Variants in PCDHA3 observed in about 807,000 individuals in gnomAD.
PCDHA3 encodes protocadherin alpha 3, also known as protocadherin alpha-3.
A neutral mutation model predicts 62.2 loss-of-function variants in PCDHA3; 41 were observed. The ratio of observed to expected loss-of-function variants is 0.66; its 90% CI spans 0.51 to 0.86. PCDHA3 has a LOEUF of 0.86. Among genes scored for constraint, PCDHA3 ranks in the 40% least tolerant of loss-of-function variants. The pLI, the probability that PCDHA3 is intolerant of heterozygous loss-of-function variation, is 0.00. For synonymous variants in PCDHA3, 640 were observed against 555.4 expected (o/e 1.15, Z -2.14); for missense variants, 1,304 against 1,241.2 (o/e 1.05, Z -0.76).
At chr5:140,900,270 T>C (rs1203586696) in intron 1 of PCDHA3, among the ~76,000 whole-genome samples, 1 of 152,082 alleles carries the variant, frequency 6.6e-6, no homozygotes, top group Non-Finnish European at 1.5e-5. Flanking sequence ...ATTGTGTATA[T>C]GTACCACACT....
chr5:140,869,864 A>C (rs1554163548), intron 1 of PCDHA3: 1 of 1,610,504 alleles, frequency 6.2e-7, no homozygotes, highest in African/African-American at 1.3e-5. Context: ...CTTATGGAAA[A>C]TGCTGCTAAA....
Position 140,882,583 on chromosome 5 carries a change from C to T in PCDHA3, c.2394+78992C>T, listed in dbSNP as rs143956549. ...GGCGGAGCGCGGAGTGCAGCATCCA[C>T]CTGGAGGTGATCGTGGACAGGCCTC... On this transcript the variant is annotated intron_variant, in intron 1 of 3. Coordinates refer to ENST00000522353, the MANE Select transcript of PCDHA3 (RefSeq NM_018906.3). 2.3e-3 allele frequency: 3,635 copies of T among 1,614,232 alleles called. 15 individuals are homozygous for T. Among genetic ancestry groups the T allele is most frequent in the Middle Eastern group, 9.6e-3 (58 of 6,060 alleles).
intron 1 of PCDHA3, among the ~76,000 whole-genome samples, chr5:140,946,108 T>C (rs782062288): frequency 2.0e-5 from 3 of 151,938 alleles, no homozygotes; most frequent in Non-Finnish European, 4.4e-5. Context: ...ATACCAAATA[T>C]ATAAGGAACT....
intron 3 of PCDHA3, among the ~76,000 whole-genome samples, chr5:141,007,284 C>T (rs2098312696): frequency 6.6e-6 from 1 of 151,430 alleles, no homozygotes; most frequent in Admixed American, 6.6e-5. Context: ...GTGCAGTGGG[C>T]TCATGCCTGT....
rs1203554709 is a variant in PCDHA3 at position 140,835,098 on chromosome 5, GC to G, written c.2394+31511del. On this transcript the variant is annotated intron_variant, in intron 1 of 3. Coordinates refer to ENST00000522353, the MANE Select transcript of PCDHA3 (RefSeq NM_018906.3). Reference sequence around the variant, plus strand: ...CACGGTACTGGACAACAATGACAATGCCCCAGTGTTCGACAGAACCCTGTAT... The same window carrying G: ...CACGGTACTGGACAACAATGACAATGCCCAGTGTTCGACAGAACCCTGTAT... 6.4e-6 allele frequency: 8 copies of G among 1,244,734 alleles called. No individual in the cohort carries two copies. In the East Asian group the frequency reaches 1.8e-4, roughly 28 times the overall value. 77.1% of individuals were successfully genotyped at this position (1,244,734 alleles called of 1,614,324 possible).
At chr5:140,856,119 A>G (rs782020835) in intron 1 of PCDHA3, 1 of 1,597,678 alleles carries the variant, frequency 6.3e-7, no homozygotes, top group East Asian at 2.2e-5. Flanking sequence ...GCAGCCTGGG[A>G]GGTGGGGAGC....
chr5:140,879,491 T>G (rs2153367311), intron 1 of PCDHA3, among the ~76,000 whole-genome samples: 1 of 152,338 alleles, frequency 6.6e-6, no homozygotes. Flanking sequence ...AATATGGGTC[T>G]GGATCTCAGA....
chr5:140,937,413 TTAGA>T (rs781915768), intron 1 of PCDHA3, among the ~76,000 whole-genome samples: 3 of 152,228 alleles, frequency 2.0e-5, no homozygotes, highest in Non-Finnish European at 2.9e-5. Flanking sequence ...ACAACTTTTA[TTAGA>T]TAGCTGATAT....
At chr5:140,809,058 TG>T in intron 1 of PCDHA3, 7 of 1,613,856 alleles carry the variant, frequency 4.3e-6, no homozygotes, top group Non-Finnish European at 5.9e-6. Context: ...CCGTTCCGCG[TG>T]GGGCTGTACA....
At chr5:140,875,596 G>T (rs1554167787) in intron 1 of PCDHA3, 2 of 1,613,938 alleles carry the variant, frequency 1.2e-6, no homozygotes, top group East Asian at 2.2e-5. Context: ...GGCCAAACAC[G>T]GCACCTTCGT....
chr5:140,802,882 C>T lies in PCDHA3; in HGVS notation c.1685C>T (p.Ala562Val). ...TTCGTGCTGGACGAGAACGACAACG[C>T]GCCGGCACTGCTGATGCCTCGGGTG... ...QVFVLDENDN[A>V]PALLMPRVGG... is the part of the protein sequence containing the mutation. Residue 562 changes from alanine to valine, a missense_variant, in exon 1 of 4, where the codon GCG (alanine) becomes GTG (valine). Transcript: ENST00000522353. The T allele has an allele frequency of 6.2e-7, 1 of 1,613,756 alleles. No homozygotes were observed.
chr5:140,828,429 C>A (rs2150155314), intron 1 of PCDHA3: 7 of 1,614,216 alleles, frequency 4.3e-6, no homozygotes, highest in East Asian at 2.2e-5. Context: ...GTGGACAGGC[C>A]GCTGCAGGTT....
chr5:140,881,180 T>G (rs1054668567), intron 1 of PCDHA3: 1 of 167,342 alleles, frequency 6.0e-6, no homozygotes, highest in East Asian at 1.9e-4. Flanking sequence ...TTTTCCTTGC[T>G]AAAGATATGT....
At chr5:140,830,610 T>A in intron 1 of PCDHA3, 1 of 618,590 alleles carries the variant, frequency 1.6e-6, no homozygotes, top group Non-Finnish European at 2.5e-6. Context: ...ATATTTTCAT[T>A]TTATTGTGTT....
chr5:140,932,032 A>G (rs2087965086), intron 1 of PCDHA3, among the ~76,000 whole-genome samples: 1 of 151,934 alleles, frequency 6.6e-6, no homozygotes, highest in African/African-American at 2.4e-5. Context: ...TTTACAGTAT[A>G]TATTAACATA....
chr5:140,901,493 G>A (rs1407022584), intron 1 of PCDHA3, among the ~76,000 whole-genome samples: 7 of 152,016 alleles, frequency 4.6e-5, no homozygotes, highest in Admixed American at 3.9e-4. Flanking sequence ...CACCTTCATC[G>A]AAAATGAGTT....
chr5:140,857,611 G>T, intron 1 of PCDHA3: 1 of 1,596,436 alleles, frequency 6.3e-7, no homozygotes, highest in Admixed American at 1.7e-5. Context: ...CGCTGCAGCC[G>T]CTGGACCACG....
intron 1 of PCDHA3, among the ~76,000 whole-genome samples, chr5:140,905,962 G>A (rs2072248192): frequency 6.6e-6 from 1 of 152,198 alleles, no homozygotes; most frequent in Non-Finnish European, 1.5e-5. Flanking sequence ...TTCAAGGGGA[G>A]GAAGATCCAG....
In PCDHA3 at chr5:140,842,931, C is replaced by T. The variant is rs1778399596; in HGVS notation, c.2394+39340C>T. Reference sequence around the variant, plus strand: ...GAGCTGCTGCAGTTCCAGGTGAGCGCGCGCGACGCGGGCGTGCCGCCTCTG... The same window carrying T: ...GAGCTGCTGCAGTTCCAGGTGAGCGTGCGCGACGCGGGCGTGCCGCCTCTG... On this transcript the variant is annotated intron_variant, in intron 1 of 3. Coordinates refer to ENST00000522353, the MANE Select transcript of PCDHA3 (RefSeq NM_018906.3). The T allele has an allele frequency of 1.9e-6, 3 of 1,594,502 alleles. 1 individual carries two copies. Among genetic ancestry groups the T allele is most frequent in the Non-Finnish European group, 2.6e-6 (3 of 1,165,448 alleles).
Sources: gnomAD v4.1 joint callset for allele counts (sites outside exome capture counted in the v4.1 genomes callset) on GRCh38, gnomAD v4.1.1 for gene constraint, MANE v1.5 for transcripts, NCBI Gene and HGNC (gene_info 2026-07-23, HGNC 2026-07-21) for gene names.